NTNG1: variants seen among roughly 807,000 people sequenced by gnomAD.
NTNG1 encodes netrin G1.
In NTNG1, 16 loss-of-function variants were observed where a neutral mutation model predicts 54.0. That is an observed-to-expected ratio of 0.30 (90% confidence interval 0.20 to 0.45). NTNG1 has a LOEUF of 0.45. Ranked by LOEUF, NTNG1 falls within the 20% of genes least tolerant of loss-of-function variation. The pLI, the probability that NTNG1 is intolerant of heterozygous loss-of-function variation, is 1.00. For synonymous variants in NTNG1, 255 were observed against 263.1 expected (o/e 0.97, Z 0.30); for missense variants, 530 against 678.7 (o/e 0.78, Z 2.43).
rs113351599 is a variant in NTNG1 at position 107,450,433 on chromosome 1, C to T, written c.1390+13634C>T. The stretch of plus-strand genomic sequence containing the variant: ...CCCAGTTTCTGTCAGAGTATGGGCA[C>T]GCAGTAAGATAATAAAACTATAAAT... On this transcript the variant is annotated intron_variant, in intron 7 of 7. Coordinates refer to ENST00000370068, the MANE Select transcript of NTNG1 (RefSeq NM_001113226.3). 5.4e-3 allele frequency among the ~76,000 whole-genome samples: 815 copies of T among 152,050 alleles called. 11 individuals carry two copies. Among genetic ancestry groups the T allele is most frequent in the African/African-American group, 0.018 (738 of 41,470 alleles).
intron 2 of NTNG1, among the ~76,000 whole-genome samples, chr1:107,183,608 A>T (rs1156803149): frequency 6.6e-6 from 1 of 152,126 alleles, no homozygotes; most frequent in Non-Finnish European, 1.5e-5. Flanking sequence ...CTTGGAGGAC[A>T]TCGAGCTTTT....
intron 2 of NTNG1, among the ~76,000 whole-genome samples, chr1:107,292,675 T>C (rs1284910795): frequency 6.6e-6 from 1 of 151,968 alleles, no homozygotes; most frequent in East Asian, 1.9e-4. Context: ...CCTAGGGTCA[T>C]TAAGTTGGTA....
chr1:107,424,897 A>G (rs1674798691), intron 5 of NTNG1, among the ~76,000 whole-genome samples: 1 of 152,078 alleles, frequency 6.6e-6, no homozygotes, highest in Non-Finnish European at 1.5e-5. Context: ...AATCATCTAG[A>G]GTGAATGTAG....
intron 7 of NTNG1, among the ~76,000 whole-genome samples, chr1:107,440,528 G>A (rs2101411307): frequency 6.6e-6 from 1 of 152,288 alleles, no homozygotes; most frequent in East Asian, 1.9e-4. Flanking sequence ...AATAATGAAT[G>A]TGGACCTCGT....
At position 107,481,039 on chromosome 1, in the gene NTNG1, T is replaced by TGTTAA; in HGVS notation, c.*199_*200insGTTAA. 1.9e-6 allele frequency: 1 copy of TGTTAA among 522,554 alleles called. No homozygotes were observed. The highest frequency in any genetic ancestry group is 3.2e-5 in the South Asian group (1 of 31,346). The allele number at this position is 522,554 out of a possible 1,614,324, so 32.4% of individuals were successfully genotyped here. On this transcript the variant is annotated 3_prime_UTR_variant, in exon 8 of 8. Coordinates refer to ENST00000370068, the MANE Select transcript of NTNG1 (RefSeq NM_001113226.3). The stretch of plus-strand genomic sequence containing the variant: ...CGAGTCAAGACTGTTAATTTCTGAC[T>TGTTAA]CCAGAGGAGTTGGCAGCTGTTGATA...
At chr1:107,263,275 TC>T (rs1193213742) in intron 2 of NTNG1, among the ~76,000 whole-genome samples, 1 of 13,270 alleles carries the variant, frequency 7.5e-5, no homozygotes, top group African/African-American at 8.6e-5. Flanking sequence ...TTAGCTTGCT[TC>T]CTTCCTTCCT....
chr1:107,475,688 C>A (rs1678272376), intron 7 of NTNG1, among the ~76,000 whole-genome samples: 1 of 152,216 alleles, frequency 6.6e-6, no homozygotes, highest in South Asian at 2.1e-4. Flanking sequence ...TCAGGGACAA[C>A]TGCCCTTCTT....
At chr1:107,329,296 C>G (rs1159684369) in intron 3 of NTNG1, among the ~76,000 whole-genome samples, 3 of 152,150 alleles carry the variant, frequency 2.0e-5, no homozygotes. Context: ...GCCACTATGA[C>G]TAGGTGCCAG....
At chr1:107,169,127 G>C (rs997075829) in intron 2 of NTNG1, among the ~76,000 whole-genome samples, 1 of 152,038 alleles carries the variant, frequency 6.6e-6, no homozygotes, top group Admixed American at 6.6e-5. Flanking sequence ...AGAGCATCTT[G>C]GTAGGTTCCA....
At chr1:107,224,232 A>G (rs1315862959) in intron 2 of NTNG1, among the ~76,000 whole-genome samples, 2 of 152,184 alleles carry the variant, frequency 1.3e-5, no homozygotes, top group East Asian at 1.9e-4. Context: ...ATTCATTACT[A>G]AGGTGCTCCA....
At chr1:107,412,830 G>A (rs1325186078) in intron 5 of NTNG1, among the ~76,000 whole-genome samples, 1 of 152,134 alleles carries the variant, frequency 6.6e-6, no homozygotes, top group Non-Finnish European at 1.5e-5. Context: ...ATAGAACATG[G>A]AACAGTTTGT....
At chr1:107,352,983 G>C (rs768810743) in intron 3 of NTNG1, among the ~76,000 whole-genome samples, 11 of 152,084 alleles carry the variant, frequency 7.2e-5, no homozygotes, top group Non-Finnish European at 1.3e-4. Flanking sequence ...GCCTGGCCCA[G>C]GAAACCATTT....
At chr1:107,140,813 C>T (rs148525642), upstream of NTNG1, 2 of 151,940 alleles carry the variant, frequency 1.3e-5, no homozygotes, top group African/African-American at 2.4e-5. Flanking sequence ...GAAAAAATAT[C>T]CCTCAGTAAA....
At chr1:107,240,446 TGA>T (rs1557836261) in intron 2 of NTNG1, among the ~76,000 whole-genome samples, 2 of 152,166 alleles carry the variant, frequency 1.3e-5, no homozygotes, top group African/African-American at 4.8e-5. Context: ...CCTTTGGGAC[TGA>T]GGGGCCACCT....
intron 3 of NTNG1, 43 bp downstream of exon 3, chr1:107,324,965 C>T: frequency 6.5e-7 from 1 of 1,540,748 alleles, no homozygotes; most frequent in Non-Finnish European, 8.8e-7. Context: ...CGGGTGTGTC[C>T]AAAGAAAATG....
intron 2 of NTNG1, among the ~76,000 whole-genome samples, chr1:107,269,662 T>G (rs553694958): frequency 8.3e-4 from 126 of 152,344 alleles, no homozygotes; most frequent in African/African-American, 2.8e-3. Flanking sequence ...TAATTGATTA[T>G]GGGAGACTAG....
At position 107,324,699 on chromosome 1, in the gene NTNG1, C is replaced by G; in HGVS notation, c.664C>G (p.His222Asp). 1.2e-6 allele frequency: 2 copies of G among 1,613,510 alleles called. No individual in the cohort carries two copies. Among genetic ancestry groups the G allele is most frequent in the Non-Finnish European group, 1.7e-6 (2 of 1,179,732 alleles). The change falls in exon 3 of 8, where the codon CAC (histidine) becomes GAC (aspartate). Residue 222 changes from histidine to aspartate, a missense_variant. His to Asp is a moderately conservative substitution (Grantham distance 81). This residue lies in a region of NTNG1 where 318 missense variants were observed against 465.1 expected (regional missense o/e 0.68). Coordinates refer to ENST00000370068, the MANE Select transcript of NTNG1 (RefSeq NM_001113226.3). ...GTATACAACAAATAGCAAAATAATCCACTTTGAAATCAAAGACAGGTTCGC... is the reference window on the plus strand; with the variant it reads ...GTATACAACAAATAGCAAAATAATCGACTTTGAAATCAAAGACAGGTTCGC... The part of the protein sequence containing the change: ...TGYTTNSKII[H>D]FEIKDRFAFF...
chr1:107,338,733 A>G (rs1286957854), intron 3 of NTNG1, among the ~76,000 whole-genome samples: 2 of 151,948 alleles, frequency 1.3e-5, no homozygotes, highest in Non-Finnish European at 2.9e-5. Context: ...ACTCTGAACT[A>G]AATATCAAAA....
At chr1:107,382,035 C>CGGAAAA (rs1671677466) in intron 3 of NTNG1, among the ~76,000 whole-genome samples, 1 of 152,058 alleles carries the variant, frequency 6.6e-6, no homozygotes, top group Non-Finnish European at 1.5e-5. Context: ...TTCAATTTTC[C>CGGAAAA]TTGAACCAAC....
Sources: allele counts gnomAD v4.1 joint callset (sites outside exome capture counted in the v4.1 genomes callset), GRCh38; gene constraint gnomAD v4.1.1; regional missense constraint gnomAD v4.1.1; transcripts MANE v1.5; gene names NCBI Gene and HGNC (gene_info 2026-07-23, HGNC 2026-07-21).